The following LINGO2 variants were observed in gnomAD, a reference collection of about 807,000 sequenced individuals.
LINGO2 encodes leucine rich repeat and Ig domain containing 2, also known as leucine-rich repeat and immunoglobulin-like domain-containing nogo receptor-interacting protein 2.
Under a neutral mutation model 30.6 loss-of-function variants are expected in LINGO2, and 14 were observed. That is an observed-to-expected ratio of 0.46 (90% CI 0.30 to 0.72). LINGO2 has a LOEUF of 0.72. Among genes scored for constraint, LINGO2 ranks in the 30% least tolerant of loss-of-function variants. The pLI is 0.07. For synonymous variants in LINGO2, 317 were observed against 288.5 expected (o/e 1.10, Z -1.00); for missense variants, 729 against 751.7 (o/e 0.97, Z 0.35).
chr9:28,543,102 C>T (rs943702466), intron 1 of LINGO2, among the ~76,000 whole-genome samples: 33 of 151,968 alleles, frequency 2.2e-4, no homozygotes, highest in African/African-American at 8.0e-4. Context: ...GGCAAAATGA[C>T]GTATTTAGTA....
At chr9:28,834,408 G>A in the LINGO2 span, among the ~76,000 whole-genome samples, 1 of 152,142 alleles carries the variant, frequency 6.6e-6, no homozygotes, top group African/African-American at 2.4e-5. Flanking sequence ...ATGTTGCTAT[G>A]TATCTATTTT....
the LINGO2 span, among the ~76,000 whole-genome samples, chr9:28,947,704 G>A: frequency 7.9e-5 from 12 of 151,138 alleles, no homozygotes; most frequent in South Asian, 2.1e-4. Flanking sequence ...ACATATACAC[G>A]TCTGTATATT....
chr9:28,658,945 T>G (rs1447834172), intron 1 of LINGO2, among the ~76,000 whole-genome samples: 1 of 152,132 alleles, frequency 6.6e-6, no homozygotes. Context: ...TCCCTAAATG[T>G]TTCATAAAGA....
intron 1 of LINGO2, among the ~76,000 whole-genome samples, chr9:28,575,962 C>T (rs1271424953): frequency 2.1e-5 from 3 of 144,530 alleles, no homozygotes; most frequent in Non-Finnish European, 4.6e-5. Flanking sequence ...ATACATATCC[C>T]CCCACACAGG....
At chr9:28,468,980 A>G (rs1227542766) in intron 2 of LINGO2, among the ~76,000 whole-genome samples, 1 of 152,216 alleles carries the variant, frequency 6.6e-6, no homozygotes, top group African/African-American at 2.4e-5. Context: ...CACACACATC[A>G]GCCTCACTAG....
At chr9:28,466,960 C>T (rs568407286) in intron 2 of LINGO2, among the ~76,000 whole-genome samples, 1 of 151,698 alleles carries the variant, frequency 6.6e-6, no homozygotes, top group African/African-American at 2.4e-5. Context: ...ACTAACTCTG[C>T]TGATGAGATA....
the LINGO2 span, among the ~76,000 whole-genome samples, chr9:29,211,920 G>C: frequency 6.6e-6 from 1 of 152,164 alleles, no homozygotes; most frequent in South Asian, 2.1e-4. Flanking sequence ...GCATTAGTTC[G>C]AATACACATA....
At chr9:28,599,179 A>C (rs780274011) in intron 1 of LINGO2, 1 of 152,110 alleles carries the variant, frequency 6.6e-6, no homozygotes, top group Non-Finnish European at 1.5e-5. Context: ...TGAGGCCCTA[A>C]ACCATGGTCT....
chr9:28,436,704 G>A (rs1250152365), intron 2 of LINGO2, among the ~76,000 whole-genome samples: 2 of 152,074 alleles, frequency 1.3e-5, no homozygotes, highest in African/African-American at 2.4e-5. Context: ...TGATCCGCCC[G>A]CCTTGGCCTC....
chr9:28,991,383 G>A, the LINGO2 span, among the ~76,000 whole-genome samples: 10 of 151,524 alleles, frequency 6.6e-5, no homozygotes, highest in South Asian at 4.2e-4. Context: ...CCAAATCTAC[G>A]TCTGATTGGT....
At chr9:28,450,822 T>A (rs1275126613) in intron 2 of LINGO2, among the ~76,000 whole-genome samples, 1 of 151,936 alleles carries the variant, frequency 6.6e-6, no homozygotes. Flanking sequence ...TCCTCATATT[T>A]CCATTTTATA....
At chr9:29,122,799 C>T in the LINGO2 span, among the ~76,000 whole-genome samples, 4 of 152,150 alleles carry the variant, frequency 2.6e-5, no homozygotes, top group Admixed American at 6.6e-5. Context: ...AAACAGCTCA[C>T]GTTCAACACA....
chr9:28,053,634 G>C (rs575458541), intron 4 of LINGO2, among the ~76,000 whole-genome samples: 7 of 152,014 alleles, frequency 4.6e-5, no homozygotes, highest in African/African-American at 1.4e-4. Flanking sequence ...GGTTCTTAGC[G>C]CTGGTTGCAA....
the LINGO2 span, among the ~76,000 whole-genome samples, chr9:29,205,654 A>G: frequency 3.3e-5 from 5 of 152,214 alleles, no homozygotes; most frequent in African/African-American, 1.2e-4. Flanking sequence ...GGAAGATTTT[A>G]TTAGTAAGGT....
chr9:28,629,489 C>T (rs1267554302), intron 1 of LINGO2, among the ~76,000 whole-genome samples: 1 of 151,978 alleles, frequency 6.6e-6, no homozygotes, highest in Non-Finnish European at 1.5e-5. Context: ...AGTAAATTCT[C>T]TTCATGGTAC....
At chr9:29,039,822 C>T in the LINGO2 span, among the ~76,000 whole-genome samples, 81 of 152,164 alleles carry the variant, frequency 5.3e-4, no homozygotes, top group African/African-American at 1.9e-3. Context: ...GTGAACAAAG[C>T]GCTTGAAAAA....
the LINGO2 span, among the ~76,000 whole-genome samples, chr9:29,123,524 T>G: frequency 3.3e-5 from 5 of 151,812 alleles, no homozygotes; most frequent in Non-Finnish European, 5.9e-5. Flanking sequence ...CCAAATCCTA[T>G]CTTATTAGTT....
chr9:28,658,003 TC>T (rs1402905846), intron 1 of LINGO2, among the ~76,000 whole-genome samples: 1 of 152,086 alleles, frequency 6.6e-6, no homozygotes, highest in African/African-American at 2.4e-5. Flanking sequence ...TCCTTCTTTT[TC>T]CCATTGGTGG....
At chr9:28,543,174 A>C (rs1021014470) in intron 1 of LINGO2, among the ~76,000 whole-genome samples, 1 of 152,130 alleles carries the variant, frequency 6.6e-6, no homozygotes. Context: ...AAATCACCCA[A>C]ATGTCTTTAG....
Sources: allele counts gnomAD v4.1 joint callset (sites outside exome capture counted in the v4.1 genomes callset), GRCh38; gene constraint gnomAD v4.1.1; transcripts MANE v1.5; gene names NCBI Gene and HGNC (gene_info 2026-07-23, HGNC 2026-07-21).